MDM1: variants seen among roughly 807,000 people sequenced by gnomAD.
The protein encoded by MDM1 is Mdm1 nuclear protein.
A neutral mutation model predicts 89.1 loss-of-function variants in MDM1; 61 were observed. That is an observed-to-expected ratio of 0.68 (90% CI 0.56 to 0.85). MDM1 has a LOEUF of 0.85. MDM1 is among the 40% of genes least tolerant of loss of function. The pLI, the probability that MDM1 is intolerant of heterozygous loss-of-function variation, is 0.00. For synonymous variants in MDM1, 290 were observed against 294.1 expected (o/e 0.99, Z 0.14); for missense variants, 820 against 846.5 (o/e 0.97, Z 0.39).
intron 5 of MDM1, among the ~76,000 whole-genome samples, chr12:68,322,067 A>G (rs1875303470): frequency 6.6e-6 from 1 of 152,162 alleles, no homozygotes; most frequent in South Asian, 2.1e-4. Flanking sequence ...GGCCTAATAT[A>G]TGTGTGTGTG....
At chr12:68,316,927 T>C (rs1874574937) in intron 7 of MDM1, among the ~76,000 whole-genome samples, 1 of 152,222 alleles carries the variant, frequency 6.6e-6, no homozygotes, top group Non-Finnish European at 1.5e-5. Flanking sequence ...TTCATGGCTT[T>C]GTATACAGCT....
At chr12:68,310,989 A>G (rs906117851) in intron 12 of MDM1, among the ~76,000 whole-genome samples, 3 of 152,196 alleles carry the variant, frequency 2.0e-5, no homozygotes, top group East Asian at 3.9e-4. Context: ...AGGTGCCCCA[A>G]TTCCAACAAG....
chr12:68,326,318 C>T, intron 3 of MDM1: 1 of 1,365,302 alleles, frequency 7.3e-7, no homozygotes. Context: ...GTCAGCTCAG[C>T]ACCCTGCCAG....
intron 12 of MDM1, among the ~76,000 whole-genome samples, chr12:68,307,921 G>C (rs964821981): frequency 7.9e-6 from 1 of 126,456 alleles, no homozygotes; most frequent in African/African-American, 3.0e-5. Context: ...CTGGGCAACA[G>C]AGCAAGACCC....
rs764007536 is a variant in MDM1, at chr12:68,325,586, A to C, written c.499-11T>G. 1.3e-6 allele frequency: 2 copies of C among 1,501,734 alleles called. No homozygotes were observed. Among genetic ancestry groups the C allele is most frequent in the Non-Finnish European group, 1.8e-6 (2 of 1,126,232 alleles). 93.0% of individuals were successfully genotyped at this position (1,501,734 alleles called of 1,614,324 possible). A position where few individuals can be genotyped will look rare whatever the true frequency, so the allele number is the denominator to read the frequency against. On this transcript the variant is annotated splice_polypyrimidine_tract_variant and intron_variant, in intron 3 of 14. Coordinates refer to ENST00000682720, the MANE Select transcript of MDM1 (RefSeq NM_001354969.2). ...CAGAAGTCTATCCAACTGTTCAAAA[A>C]ACAAAATCCACTCAAAGACATTAAA...
chr12:68,322,613 G>C (rs1194734699), intron 5 of MDM1, among the ~76,000 whole-genome samples: 1 of 152,106 alleles, frequency 6.6e-6, no homozygotes, highest in Non-Finnish European at 1.5e-5. Context: ...CAGCCTGGGC[G>C]ACAGACCAAG....
intron 2 of MDM1, chr12:68,327,459 A>C (rs1445131033): frequency 1.3e-6 from 2 of 1,535,968 alleles, no homozygotes; most frequent in Non-Finnish European, 1.7e-6. Flanking sequence ...CAAGATGAGA[A>C]GGGATGAGAT....
At chr12:68,314,588 CT>C (rs1565775965) in intron 10 of MDM1, among the ~76,000 whole-genome samples, 1 of 152,156 alleles carries the variant, frequency 6.6e-6, no homozygotes, top group Admixed American at 6.5e-5. Flanking sequence ...AAAACATTAT[CT>C]TTTTTGGTAG....
intron 12 of MDM1, among the ~76,000 whole-genome samples, chr12:68,303,885 G>GC (rs1243405912): frequency 2.6e-5 from 4 of 152,298 alleles, no homozygotes; most frequent in African/African-American, 9.6e-5. Flanking sequence ...AGTATTTGCT[G>GC]TTTTCCACAA....
Position 68,295,252 on chromosome 12 carries a change from G to A in MDM1, c.*2C>T. On this transcript the variant is annotated 3_prime_UTR_variant, in exon 15 of 15. Coordinates refer to ENST00000682720, the MANE Select transcript of MDM1 (RefSeq NM_001354969.2). ...CCTTAGATAAAGGCAACTCAGCTAGGTTTATGTTTTACCCCAGAAATTCTC... is the reference window on the plus strand; with the variant it reads ...CCTTAGATAAAGGCAACTCAGCTAGATTTATGTTTTACCCCAGAAATTCTC... 3 of 1,603,934 alleles carry A rather than the reference G, an allele frequency of 1.9e-6. No homozygotes were observed. The highest frequency in any genetic ancestry group is 2.6e-6 in the Non-Finnish European group (3 of 1,172,498).
At chr12:68,325,391 T>C in intron 4 of MDM1, 50 bp downstream of exon 4, 1 of 1,436,690 alleles carries the variant, frequency 7.0e-7, no homozygotes, top group Non-Finnish European at 9.2e-7. Context: ...AAATCTACAT[T>C]ACTAGATAAG....
intron 4 of MDM1, chr12:68,323,508 G>T: frequency 9.0e-6 from 2 of 221,196 alleles, no homozygotes; most frequent in Non-Finnish European, 1.7e-5. Flanking sequence ...ATAGACATTA[G>T]CTTTAAGGCA....
Position 68,316,710 on chromosome 12 carries a change from T to C in MDM1, c.1006-100A>G, listed in dbSNP as rs373971227. 387 of 930,600 alleles carry C rather than the reference T, an allele frequency of 4.2e-4. 2 individuals carry two copies. In the African/African-American group the frequency reaches 4.9e-3, roughly 12 times the overall value. 57.6% of individuals were successfully genotyped at this position (930,600 alleles called of 1,614,324 possible). ...CACATTATTCTCCCTTCTAAATATC[T>C]ACCAAACTTGTCAATCAATATTTCT... On this transcript the variant is annotated intron_variant, in intron 7 of 14. Transcript: ENST00000682720.
intron 13 of MDM1, among the ~76,000 whole-genome samples, chr12:68,297,854 A>G (rs1047645380): frequency 5.3e-5 from 8 of 152,234 alleles, no homozygotes; most frequent in Non-Finnish European, 8.8e-5. Context: ...ATGTTCAAAA[A>G]TTCTTAGAAA....
intron 4 of MDM1, chr12:68,324,980 C>A: frequency 1.0e-6 from 1 of 973,776 alleles, no homozygotes; most frequent in Non-Finnish European, 1.2e-6. Context: ...TTGTCTGATA[C>A]AAGGACAAAA....
chr12:68,325,224 C>T (rs1470893564), intron 4 of MDM1: 1 of 1,156,966 alleles, frequency 8.6e-7, no homozygotes, highest in Non-Finnish European at 1.1e-6. Context: ...TGTGCTGCAT[C>T]TGGCAACAAT....
At position 68,302,833 on chromosome 12, in the gene MDM1, C is replaced by T; in HGVS notation, c.1789G>A (p.Ala597Thr). ...AGAGGATCAACTGTTTTTATACCAG[C>T]AGCTGGAGAAGTCAGTAGGGATACA... is the stretch of plus-strand genomic sequence containing the variant. ...RAVSLLTSPA[A>T]GIKTVDPLPL... The change falls in exon 13 of 15, where the codon GCT (alanine) becomes ACT (threonine). Residue 597 changes from alanine (A) to threonine (T), a missense_variant. Transcript: ENST00000682720. 1 of 1,593,382 alleles carries T rather than the reference C, an allele frequency of 6.3e-7. No individual in the cohort carries two copies.
chr12:68,330,866 G>A, intron 2 of MDM1: 1 of 490,460 alleles, frequency 2.0e-6, no homozygotes, highest in Non-Finnish European at 3.6e-6. Context: ...AAACAGTTGT[G>A]ATGGAGGCCT....
chr12:68,301,460 TG>T (rs887581108), intron 13 of MDM1, among the ~76,000 whole-genome samples: 5 of 151,740 alleles, frequency 3.3e-5, no homozygotes, highest in African/African-American at 1.2e-4. Context: ...GGACTTGGGG[TG>T]GGGGAAGGGA....
Sources: gnomAD v4.1 joint callset for allele counts (sites outside exome capture counted in the v4.1 genomes callset) on GRCh38, gnomAD v4.1.1 for gene constraint, MANE v1.5 for transcripts, NCBI Gene and HGNC (gene_info 2026-07-23, HGNC 2026-07-21) for gene names.